Variants in OPCML observed in about 807,000 individuals in gnomAD.
OPCML encodes the protein opioid-binding protein/cell adhesion molecule.
OPCML carries 13 observed loss-of-function variants against 37.8 expected under a neutral mutation model. That is an observed-to-expected ratio of 0.34 (90% CI 0.22 to 0.55). OPCML has a LOEUF of 0.55. OPCML is among the 20% of genes least tolerant of loss of function. The probability of loss-of-function intolerance (pLI) is 0.91; values close to 1 mark genes in which losing one functional copy is unlikely to be tolerated. For missense variants in OPCML, 341 were observed against 435.6 expected, an observed-to-expected ratio of 0.78 and a Z score of 1.93; for synonymous variants, 176 against 168.8, an observed-to-expected ratio of 1.04 and a Z score of -0.33.
chr11:132,742,242 T>C (rs1015827717), intron 2 of OPCML, among the ~76,000 whole-genome samples: 1 of 152,172 alleles, frequency 6.6e-6, no homozygotes, highest in Admixed American at 6.5e-5. Context: ...GACTACATGT[T>C]TGTGTCTCTC....
intron 2 of OPCML, among the ~76,000 whole-genome samples, chr11:132,746,151 C>G (rs1945627954): frequency 6.6e-6 from 1 of 151,398 alleles, no homozygotes; most frequent in South Asian, 2.1e-4. Flanking sequence ...TCCCAAATTT[C>G]CTGGCTCCAG....
At chr11:132,851,722 T>C (rs985882060) in intron 2 of OPCML, among the ~76,000 whole-genome samples, 2 of 152,228 alleles carry the variant, frequency 1.3e-5, no homozygotes, top group South Asian at 2.1e-4. Context: ...GGTACTATGA[T>C]TTTCCCCAAT....
At chr11:133,404,935 A>G (rs559240940) in intron 1 of OPCML, among the ~76,000 whole-genome samples, 1 of 152,362 alleles carries the variant, frequency 6.6e-6, no homozygotes, top group Non-Finnish European at 1.5e-5. Flanking sequence ...AATTATGGGA[A>G]TCATAGCAGG....
intron 2 of OPCML, among the ~76,000 whole-genome samples, chr11:132,814,860 T>A (rs1195510802): frequency 6.6e-6 from 1 of 152,146 alleles, no homozygotes; most frequent in Non-Finnish European, 1.5e-5. Flanking sequence ...GAGGCAAGTG[T>A]TCTCATTAGT....
chr11:132,934,875 C>T (rs1479693991), intron 2 of OPCML, among the ~76,000 whole-genome samples: 1 of 152,174 alleles, frequency 6.6e-6, no homozygotes, highest in Non-Finnish European at 1.5e-5. Flanking sequence ...TGCAGAGGCT[C>T]ACACCTGTAA....
At chr11:132,912,248 GTGA>G (rs1390957138) in intron 2 of OPCML, among the ~76,000 whole-genome samples, 3 of 152,130 alleles carry the variant, frequency 2.0e-5, no homozygotes, top group Non-Finnish European at 2.9e-5. Context: ...GCTTGAAACT[GTGA>G]TGATAAAATA....
chr11:132,865,935 A>G (rs1268937279), intron 2 of OPCML, among the ~76,000 whole-genome samples: 5 of 152,078 alleles, frequency 3.3e-5, no homozygotes, highest in Non-Finnish European at 7.4e-5. Context: ...AATAATGGCT[A>G]TTGCCAGGAA....
chr11:132,538,473 A>T (rs531718485), intron 3 of OPCML, among the ~76,000 whole-genome samples: 10 of 152,316 alleles, frequency 6.6e-5, no homozygotes, highest in African/African-American at 2.4e-4. Flanking sequence ...ATATTCTAGA[A>T]TTAGATAGTG....
intron 3 of OPCML, among the ~76,000 whole-genome samples, chr11:132,586,341 T>C (rs894787430): frequency 6.6e-6 from 1 of 152,218 alleles, no homozygotes. Flanking sequence ...GAAATTTTTC[T>C]TTCTCCTACA....
At chr11:132,680,365 A>T (rs1039979309) in intron 2 of OPCML, among the ~76,000 whole-genome samples, 2 of 152,204 alleles carry the variant, frequency 1.3e-5, no homozygotes, top group African/African-American at 4.8e-5. Flanking sequence ...GGAGTAACAC[A>T]AAGGGCAGGA....
At chr11:132,549,584 G>A (rs1224501740) in intron 3 of OPCML, among the ~76,000 whole-genome samples, 3 of 152,274 alleles carry the variant, frequency 2.0e-5, no homozygotes, top group Admixed American at 6.5e-5. Context: ...TCTTTTTCAT[G>A]AAAAGCAGCC....
chr11:132,575,883 A>G (rs1234552839), intron 3 of OPCML, among the ~76,000 whole-genome samples: 1 of 151,914 alleles, frequency 6.6e-6, no homozygotes, highest in Non-Finnish European at 1.5e-5. Context: ...TTTGTCTTCT[A>G]TTTTTTTAGA....
intron 2 of OPCML, among the ~76,000 whole-genome samples, chr11:132,780,298 A>G (rs911260169): frequency 6.6e-6 from 1 of 152,158 alleles, no homozygotes; most frequent in African/African-American, 2.4e-5. Flanking sequence ...TGCTGGTTCC[A>G]ATGAATGTGA....
chr11:133,490,971 C>T (rs1340605858), intron 1 of OPCML, among the ~76,000 whole-genome samples: 1 of 152,222 alleles, frequency 6.6e-6, no homozygotes, highest in Non-Finnish European at 1.5e-5. Flanking sequence ...GGCAGAATTG[C>T]TAAGTGTCTT....
chr11:132,925,728 A>C (rs1398219127), intron 2 of OPCML, among the ~76,000 whole-genome samples: 2 of 152,168 alleles, frequency 1.3e-5, no homozygotes, highest in African/African-American at 4.8e-5. Flanking sequence ...TCTAGTTTTT[A>C]AGGTAGTGGC....
intron 1 of OPCML, among the ~76,000 whole-genome samples, chr11:133,397,269 A>G (rs1395263612): frequency 1.3e-5 from 2 of 152,206 alleles, no homozygotes; most frequent in Non-Finnish European, 2.9e-5. Flanking sequence ...TTCAATACCT[A>G]GGGATATAGA....
chr11:133,147,285 G>C (rs1949911069), intron 1 of OPCML, among the ~76,000 whole-genome samples: 1 of 152,174 alleles, frequency 6.6e-6, no homozygotes, highest in Non-Finnish European at 1.5e-5. Context: ...GGGAGAGGCA[G>C]GTAAAAGAAG....
At chr11:133,266,657 C>T (rs183779199) in intron 1 of OPCML, among the ~76,000 whole-genome samples, 1 of 152,100 alleles carries the variant, frequency 6.6e-6, no homozygotes, top group East Asian at 1.9e-4. Context: ...TAGTTGGAGA[C>T]AATTCTTGTC....
At chr11:133,358,971 G>T (rs1944354594) in intron 1 of OPCML, among the ~76,000 whole-genome samples, 1 of 152,048 alleles carries the variant, frequency 6.6e-6, no homozygotes, top group African/African-American at 2.4e-5. Context: ...GGGACCAGGG[G>T]TGATAGGAGA....
Sources: gnomAD v4.1 joint callset for allele counts (sites outside exome capture counted in the v4.1 genomes callset) on GRCh38, gnomAD v4.1.1 for gene constraint, MANE v1.5 for transcripts, NCBI Gene and HGNC (gene_info 2026-07-23, HGNC 2026-07-21) for gene names.